SS18: variants seen among roughly 807,000 people sequenced by gnomAD.
SS18 encodes the protein SS18 subunit of BAF chromatin remodeling complex, also known as protein SSXT.
SS18 carries 28 observed loss-of-function variants against 72.5 expected under a neutral mutation model. That is an observed-to-expected ratio of 0.39 (90% CI 0.29 to 0.53). SS18 has a LOEUF of 0.53. Ranked by LOEUF, SS18 falls within the 20% of genes least tolerant of loss-of-function variation. SS18 has a pLI of 0.76. For synonymous variants in SS18, 172 were observed against 164.2 expected, an observed-to-expected ratio of 1.05 and a Z score of -0.37; for missense variants, 518 against 535.3, an observed-to-expected ratio of 0.97 and a Z score of 0.32.
intron 10 of SS18, among the ~76,000 whole-genome samples, chr18:26,025,428 T>C (rs994339173): frequency 6.6e-6 from 1 of 151,812 alleles, no homozygotes; most frequent in Non-Finnish European, 1.5e-5. Context: ...ATAAATAAAA[T>C]CGAGCTGCTT....
In SS18 at chr18:26,028,229, C is replaced by CTAAT. The variant is rs529293551; in HGVS notation, c.1230+4169_1230+4170insATTA. Among the ~76,000 whole-genome samples, 1,018 of 152,042 alleles carry CTAAT rather than the reference C, an allele frequency of 6.7e-3. 4 individuals carry two copies. Among genetic ancestry groups the CTAAT allele is most frequent in the Non-Finnish European group, 8.9e-3 (604 of 67,976 alleles). On this transcript the variant is annotated intron_variant, in intron 10 of 10. Transcript: ENST00000415083. The stretch of plus-strand genomic sequence containing the variant: ...AACATCATTTGTCCTTAGGGATACT[C>CTAAT]AAATTAAAGTCATGAAGTGTTATAG...
intron 3 of SS18, among the ~76,000 whole-genome samples, chr18:26,063,670 T>C (rs1227025349): frequency 6.6e-6 from 1 of 152,178 alleles, no homozygotes; most frequent in Non-Finnish European, 1.5e-5. Context: ...TACAGGACCA[T>C]TTATAGCTTT....
intron 10 of SS18, among the ~76,000 whole-genome samples, chr18:26,029,711 A>G (rs2053511659): frequency 6.6e-6 from 1 of 152,184 alleles, no homozygotes; most frequent in African/African-American, 2.4e-5. Flanking sequence ...TATTGCTGTA[A>G]GATTCATCTG....
chr18:26,082,499 T>C lies in SS18; in HGVS notation c.147-4339A>G, dbSNP rs924962130. 6.1e-6 allele frequency: 6 copies of C among 985,186 alleles called. No individual in the cohort carries two copies. In the African/African-American group the frequency reaches 1.0e-4, roughly 17 times the overall value. 61.0% of individuals were successfully genotyped at this position (985,186 alleles called of 1,614,324 possible). On this transcript the variant is annotated intron_variant, in intron 2 of 10. Coordinates refer to ENST00000415083, the MANE Select transcript of SS18 (RefSeq NM_001007559.3). ...CTAATTTTTTTTGTTGTTTGAAATT[T>C]ATGCAACTCTGGAATAGTTTGGACT...
chr18:26,051,402 T>G (rs2053921276), intron 5 of SS18, among the ~76,000 whole-genome samples: 1 of 152,250 alleles, frequency 6.6e-6, no homozygotes, highest in Non-Finnish European at 1.5e-5. Context: ...TATGCATTAT[T>G]TTTTTCTTCG....
At chr18:26,023,471 A>G (rs556007796) in intron 10 of SS18, 110 of 366,964 alleles carry the variant, frequency 3.0e-4, no homozygotes, top group South Asian at 2.4e-3. Flanking sequence ...AAACAATTTG[A>G]TAAAGGGAAA....
At chr18:26,057,955 A>G (rs1225699957) in intron 3 of SS18, among the ~76,000 whole-genome samples, 1 of 152,220 alleles carries the variant, frequency 6.6e-6, no homozygotes, top group Non-Finnish European at 1.5e-5. Context: ...GTGAAAATTA[A>G]AATGTTAACA....
chr18:26,041,169 TC>T (rs1307654800), intron 5 of SS18, among the ~76,000 whole-genome samples: 1 of 152,220 alleles, frequency 6.6e-6, no homozygotes, highest in Non-Finnish European at 1.5e-5. Flanking sequence ...ACACCTGTAA[TC>T]CCAGCACTTT....
intron 7 of SS18, among the ~76,000 whole-genome samples, chr18:26,036,554 T>A (rs2053629303): frequency 6.6e-6 from 1 of 152,080 alleles, no homozygotes; most frequent in Admixed American, 6.6e-5. Flanking sequence ...GTTGACAGAG[T>A]ATATCTTTAG....
intron 10 of SS18, among the ~76,000 whole-genome samples, chr18:26,029,027 G>A (rs748404515): frequency 2.6e-5 from 4 of 152,182 alleles, no homozygotes; most frequent in Non-Finnish European, 4.4e-5. Context: ...TCTCTGATAC[G>A]ACGTGATGAC....
chr18:26,065,220 A>T (rs2054191491), intron 3 of SS18, among the ~76,000 whole-genome samples: 1 of 152,162 alleles, frequency 6.6e-6, no homozygotes, highest in Non-Finnish European at 1.5e-5. Flanking sequence ...GCAGACTCAC[A>T]AGCCAATTCT....
chr18:26,090,926 A>G (rs2054717064), upstream of SS18: 1 of 356,570 alleles, frequency 2.8e-6, no homozygotes, highest in Non-Finnish European at 5.1e-6. Flanking sequence ...CGGGAGAAGG[A>G]GAGGCTGGGG....
intron 5 of SS18, among the ~76,000 whole-genome samples, chr18:26,050,502 TTAA>T (rs2053902616): frequency 6.6e-6 from 1 of 152,096 alleles, no homozygotes; most frequent in African/African-American, 2.4e-5. Context: ...AAAAAATTCA[TTAA>T]TAAAACTCAC....
At chr18:26,072,255 C>A (rs1275415804) in intron 3 of SS18, among the ~76,000 whole-genome samples, 3 of 150,160 alleles carry the variant, frequency 2.0e-5, no homozygotes, top group Admixed American at 1.3e-4. Flanking sequence ...GATTTCCCAA[C>A]TAGAAAGAAA....
At position 26,085,123 on chromosome 18, in the gene SS18, C is replaced by G. The variant is rs138454413; in HGVS notation, c.146+2378G>C. Among the ~76,000 whole-genome samples, 856 of 152,250 alleles carry G rather than the reference C, an allele frequency of 5.6e-3. 12 individuals are homozygous for G. The highest frequency in any genetic ancestry group is 0.02 in the African/African-American group (821 of 41,548). On this transcript the variant is annotated intron_variant, in intron 2 of 10. Transcript: ENST00000415083. ...TTTGAAAAATTCAATGCAGCACATA[C>G]AGGAATTCTTTGTACTATCTTTGAA...
intron 5 of SS18, among the ~76,000 whole-genome samples, chr18:26,049,539 G>T (rs1366795262): frequency 6.6e-6 from 1 of 152,086 alleles, no homozygotes; most frequent in East Asian, 1.9e-4. Flanking sequence ...TTTAGAGACG[G>T]TCTTGCTCTG....
intron 6 of SS18, 148 bp from the exon 7 acceptor site, chr18:26,038,807 T>C (rs8095178): frequency 0.025 from 17,111 of 687,896 alleles, 1,200 homozygotes; most frequent in African/African-American, 0.2. Flanking sequence ...TAGCTATTCA[T>C]ATACATATGC....
chr18:26,038,673 A>G lies in SS18; in HGVS notation c.776-14T>C. 1 of 1,592,912 alleles carries G rather than the reference A, an allele frequency of 6.3e-7. No individual in the cohort carries two copies. Among genetic ancestry groups the G allele is most frequent in the African/African-American group, 1.3e-5 (1 of 74,590 alleles). ...GCTGTGGTGGGCCTGAAAAACCACA[A>G]CCAGTCAAGATATAAATAATGTGTT... On this transcript the variant is annotated splice_polypyrimidine_tract_variant and intron_variant, in intron 6 of 10. Coordinates refer to ENST00000415083, the MANE Select transcript of SS18 (RefSeq NM_001007559.3).
intron 3 of SS18, among the ~76,000 whole-genome samples, chr18:26,074,541 G>C (rs766041017): frequency 6.6e-6 from 1 of 151,938 alleles, no homozygotes; most frequent in African/African-American, 2.4e-5. Flanking sequence ...TTGCAAAAAC[G>C]TAACATGATG....
Sources: allele counts gnomAD v4.1 joint callset (sites outside exome capture counted in the v4.1 genomes callset), GRCh38; gene constraint gnomAD v4.1.1; transcripts MANE v1.5; gene names NCBI Gene and HGNC (gene_info 2026-07-23, HGNC 2026-07-21).